The following SLFN14 variants were observed in gnomAD, a reference collection of about 807,000 sequenced individuals.
SLFN14 encodes the protein schlafen family member 14.
Under a neutral mutation model 58.6 loss-of-function variants are expected in SLFN14, and 47 were observed. That is an observed-to-expected ratio of 0.80 (90% CI 0.64 to 1.02). The LOEUF is 1.02. Among genes scored for constraint, SLFN14 ranks in the 50% least tolerant of loss-of-function variants. The probability of loss-of-function intolerance (pLI) is 0.00; values close to 1 mark genes in which losing one functional copy is unlikely to be tolerated. For missense variants in SLFN14, 967 were observed against 1,078.4 expected (o/e 0.90, Z 1.45); for synonymous variants, 390 against 387.3 (o/e 1.01, Z -0.08).
intron 4 of SLFN14, 42 bp from the exon 5 acceptor site, chr17:35,553,486 C>T (rs1368910279): frequency 7.0e-7 from 1 of 1,424,230 alleles, no homozygotes; most frequent in East Asian, 2.5e-5. Flanking sequence ...CTTACAAAAG[C>T]ATGTGGTAAG....
chr17:35,555,147 C>T (rs2072639030), intron 3 of SLFN14, among the ~76,000 whole-genome samples: 1 of 151,860 alleles, frequency 6.6e-6, no homozygotes, highest in Admixed American at 6.6e-5. Context: ...CCGAGGCAGG[C>T]GGATCACGAG....
At chr17:35,549,530 T>C (rs1287530710) in intron 5 of SLFN14, among the ~76,000 whole-genome samples, 1 of 152,246 alleles carries the variant, frequency 6.6e-6, no homozygotes, top group Non-Finnish European at 1.5e-5. Context: ...TTCAAATTCC[T>C]CTAAAGCTTC....
In SLFN14 at chr17:35,548,714, G is replaced by A. The variant is rs2072556318; in HGVS notation, c.2264C>T (p.Ser755Phe). The change falls in exon 6 of 6, where the codon TCC (serine) becomes TTC (phenylalanine). Residue 755 changes from serine to phenylalanine, a missense_variant. By Grantham distance (155) the Ser-to-Phe change is radical. Coordinates refer to ENST00000674182, the MANE Select transcript of SLFN14 (RefSeq NM_001129820.2). ...EMKRIKENPPSNMSPDTLALF... is the reference protein window; with the variant it reads ...EMKRIKENPPFNMSPDTLALF... ...TGCTAATGTGTCTGGAGACATGTTG[G>A]AGGGAGGATTTTCTTTGATCCTCTT... The A allele has an allele frequency of 1.9e-6, 3 of 1,551,602 alleles. No homozygotes were observed. The highest frequency in any genetic ancestry group is 1.7e-6 in the Non-Finnish European group (2 of 1,147,002).
intron 4 of SLFN14, among the ~76,000 whole-genome samples, chr17:35,553,850 G>A (rs1322720909): frequency 6.6e-6 from 1 of 152,118 alleles, no homozygotes; most frequent in Non-Finnish European, 1.5e-5. Context: ...TGTTGGCTAG[G>A]CTGGTCTCAA....
intron 1 of SLFN14, among the ~76,000 whole-genome samples, 180 bp from the exon 2 acceptor site, chr17:35,559,985 A>G (rs2072685848): frequency 6.6e-6 from 1 of 152,240 alleles, no homozygotes; most frequent in South Asian, 2.1e-4. Context: ...CCAACAATCT[A>G]TAGGATTCTA....
rs189281314 is a variant in SLFN14, at chr17:35,557,637, A to C, written c.426T>G (p.Ser142Arg). 2.7e-5 allele frequency: 42 copies of C among 1,551,668 alleles called. No individual in the cohort carries two copies. The African/African-American group carries it at 5.6e-4, about 21-fold the overall frequency. Residue 142 changes from serine to arginine, a missense_variant, in exon 3 of 6, where the codon AGT becomes AGG. By Grantham distance (110) the Ser-to-Arg change is moderately radical. Transcript: ENST00000674182. ...RRDVTSAINLSASSALELLRE... is the reference protein window; with the variant it reads ...RRDVTSAINLRASSALELLRE... ...TGAGAAGCTCCAGGGCACTGCTAGC[A>C]CTCAAGTTGATAGCAGAAGTCACAT...
rs2142210929 is a variant in SLFN14 at position 35,557,078 on chromosome 17, A to G, written c.985T>C (p.Trp329Arg). The change falls in exon 3 of 6, where the codon TGG becomes CGG. Residue 329 changes from tryptophan to arginine, a missense_variant. Trp to Arg is a moderately radical substitution (Grantham distance 101). Coordinates refer to ENST00000674182, the MANE Select transcript of SLFN14 (RefSeq NM_001129820.2). The stretch of plus-strand genomic sequence containing the variant: ...GTGACAGAATTGTCTTTCATGATCC[A>G]GGAATCTGGGGCCTCTGCAAACACC... Reference protein sequence around the residue: ...CVVFAEAPDSWIMKDNSVTRL... With the variant: ...CVVFAEAPDSRIMKDNSVTRL... 6.4e-7 allele frequency: 1 copy of G among 1,551,678 alleles called. No individual in the cohort carries two copies. Among genetic ancestry groups the G allele is most frequent in the Non-Finnish European group, 8.7e-7 (1 of 1,146,972 alleles).
chr17:35,552,149 C>A (rs1281317616), intron 5 of SLFN14, among the ~76,000 whole-genome samples: 1 of 152,200 alleles, frequency 6.6e-6, no homozygotes, highest in Admixed American at 6.5e-5. Context: ...AAAGGCACCC[C>A]TCCCGAGGAA....
chr17:35,557,698 C>T lies in SLFN14; in HGVS notation c.365G>A (p.Arg122Lys). The T allele has an allele frequency of 6.4e-7, 1 of 1,551,714 alleles. No individual in the cohort carries two copies. ...CAAATTGGAGCGCAAGCTGCAAATC[C>T]TTAGTGGAAGGCTGAAAACATCTGG... ...WSPDVFSLPL[R>K]ICSLRSNLYR... Residue 122 changes from arginine (R) to lysine (K), a missense_variant, in exon 3 of 6, where the codon AGG becomes AAG. By Grantham distance (26) the Arg-to-Lys change is conservative. Transcript: ENST00000674182.
chr17:35,558,142 T>A, intron 2 of SLFN14, 36 bp from the exon 3 acceptor site: 1 of 1,225,246 alleles, frequency 8.2e-7, no homozygotes, highest in Non-Finnish European at 1.1e-6. Flanking sequence ...TCTATATTAA[T>A]AAGAATTCCA....
intron 3 of SLFN14, 91 bp from the exon 4 acceptor site, chr17:35,554,795 G>A: frequency 8.6e-7 from 1 of 1,164,262 alleles, no homozygotes; most frequent in South Asian, 2.2e-5. Context: ...CTTCTTACTG[G>A]AGACCTGTGA....
intron 5 of SLFN14, among the ~76,000 whole-genome samples, chr17:35,550,165 G>T (rs2072572070): frequency 6.6e-6 from 1 of 152,090 alleles, no homozygotes; most frequent in South Asian, 2.1e-4. Flanking sequence ...TCCCCTATTT[G>T]ATTCACTTCT....
intron 5 of SLFN14, 51 bp downstream of exon 5, chr17:35,552,679 T>G (rs2072606252): frequency 9.1e-7 from 1 of 1,097,584 alleles, no homozygotes; most frequent in East Asian, 2.6e-5. Context: ...TATACACATA[T>G]ATATATACAC....
chr17:35,560,388 C>A (rs1055577887), intron 1 of SLFN14, among the ~76,000 whole-genome samples: 3 of 152,146 alleles, frequency 2.0e-5, no homozygotes, highest in African/African-American at 7.2e-5. Flanking sequence ...TGCAGTGGCA[C>A]GATCTCTTGG....
At position 35,548,171 on chromosome 17, in the gene SLFN14, G is replaced by C; in HGVS notation, c.*68C>G. On this transcript the variant is annotated 3_prime_UTR_variant, in exon 6 of 6. Coordinates refer to ENST00000674182, the MANE Select transcript of SLFN14 (RefSeq NM_001129820.2). Reference sequence around the variant, plus strand: ...TCCTCACTTGTAATATTAAAATGGAGTCACTGCTACCTGTCTAGGAGAAAG... The same window carrying C: ...TCCTCACTTGTAATATTAAAATGGACTCACTGCTACCTGTCTAGGAGAAAG... The C allele has an allele frequency of 7.1e-7, 1 of 1,399,936 alleles. No homozygotes were observed. The highest frequency in any genetic ancestry group is 2.5e-5 in the East Asian group (1 of 40,094). 86.7% of individuals were successfully genotyped at this position (1,399,936 alleles called of 1,614,324 possible).
chr17:35,559,044 G>A (rs531890523), intron 2 of SLFN14, among the ~76,000 whole-genome samples: 11 of 143,206 alleles, frequency 7.7e-5, no homozygotes, highest in Admixed American at 1.4e-4. Context: ...ACCCCATCTC[G>A]ACAAAAGATA....
In SLFN14 at chr17:35,559,744, G is replaced by T. The variant is rs1442449885; in HGVS notation, c.-62C>A. On this transcript the variant is annotated 5_prime_UTR_variant, in exon 2 of 6. Transcript: ENST00000674182. ...ATACTCACCAAGAGGAAGAAAGCAG[G>T]CATCCGGCAAGACATGTGCACTCCC... Among the ~76,000 whole-genome samples the T allele has an allele frequency of 6.6e-6, 1 of 152,092 alleles. No homozygotes were observed. The highest frequency in any genetic ancestry group is 2.4e-5 in the African/African-American group (1 of 41,414).
At chr17:35,553,522 A>T in intron 4 of SLFN14, 78 bp from the exon 5 acceptor site, 1 of 1,141,300 alleles carries the variant, frequency 8.8e-7, no homozygotes, top group South Asian at 1.7e-5. Flanking sequence ...GCAGAAAAAA[A>T]TGATACCTGG....
At chr17:35,554,258 G>A (rs572230493) in intron 4 of SLFN14, among the ~76,000 whole-genome samples, 7 of 149,474 alleles carry the variant, frequency 4.7e-5, no homozygotes, top group African/African-American at 1.7e-4. Flanking sequence ...AATAGTAATA[G>A]TGGGAATCAG....
Sources: allele counts gnomAD v4.1 joint callset (sites outside exome capture counted in the v4.1 genomes callset), GRCh38; gene constraint gnomAD v4.1.1; transcripts MANE v1.5; gene names NCBI Gene and HGNC (gene_info 2026-07-23, HGNC 2026-07-21).